The following ARHGAP15 variants were observed in gnomAD, a reference collection of about 807,000 sequenced individuals.
The protein encoded by ARHGAP15 is rho GTPase-activating protein 15.
ARHGAP15 carries 51 observed loss-of-function variants against 63.7 expected under a neutral mutation model. That is an observed-to-expected ratio of 0.80 (90% CI 0.64 to 1.01). The LOEUF is 1.01. ARHGAP15 is among the 50% of genes least tolerant of loss of function. ARHGAP15 has a pLI of 0.00. For missense variants in ARHGAP15, 560 were observed against 564.6 expected (o/e 0.99, Z 0.08); for synonymous variants, 191 against 193.8 (o/e 0.99, Z 0.12).
intron 2 of ARHGAP15, among the ~76,000 whole-genome samples, chr2:143,186,644 T>C (rs1691458906): frequency 1.3e-5 from 2 of 152,156 alleles, no homozygotes; most frequent in Admixed American, 1.3e-4. Flanking sequence ...TCCCTGAAAA[T>C]ATCCCCTAAA....
At chr2:143,275,412 A>G (rs1277974685) in intron 6 of ARHGAP15, among the ~76,000 whole-genome samples, 1 of 152,236 alleles carries the variant, frequency 6.6e-6, no homozygotes, top group Non-Finnish European at 1.5e-5. Context: ...TGCTGTCTCT[A>G]TCACATATTA....
At chr2:143,313,416 C>G (rs1046703625) in intron 6 of ARHGAP15, among the ~76,000 whole-genome samples, 19 of 152,072 alleles carry the variant, frequency 1.2e-4, no homozygotes, top group African/African-American at 4.6e-4. Flanking sequence ...CCACTAAAAC[C>G]TGATTTTCTT....
At chr2:143,522,720 C>T (rs759888989) in intron 10 of ARHGAP15, among the ~76,000 whole-genome samples, 18 of 152,118 alleles carry the variant, frequency 1.2e-4, no homozygotes, top group Non-Finnish European at 2.5e-4. Flanking sequence ...TGCAGAAAAT[C>T]TCATAATGCT....
intron 12 of ARHGAP15, among the ~76,000 whole-genome samples, chr2:143,654,185 C>T (rs905084604): frequency 2.0e-5 from 3 of 152,080 alleles, no homozygotes; most frequent in African/African-American, 7.2e-5. Context: ...AAATACAGAA[C>T]AGATTCTCAG....
chr2:143,154,420 T>C (rs1689999048), intron 1 of ARHGAP15, among the ~76,000 whole-genome samples: 1 of 151,942 alleles, frequency 6.6e-6, no homozygotes, highest in Admixed American at 6.6e-5. Context: ...GGGGTGGCTA[T>C]ACACTTGCCT....
chr2:143,372,873 G>T (rs1051393026), intron 6 of ARHGAP15, among the ~76,000 whole-genome samples: 1 of 151,788 alleles, frequency 6.6e-6, no homozygotes, highest in Non-Finnish European at 1.5e-5. Context: ...TAAAGATAAA[G>T]TATGTGCACC....
At chr2:143,252,014 T>TC (rs918002181) in intron 6 of ARHGAP15, among the ~76,000 whole-genome samples, 1 of 152,012 alleles carries the variant, frequency 6.6e-6, no homozygotes, top group Non-Finnish European at 1.5e-5. Context: ...CCGGGAAAGC[T>TC]CAGTGGTAGA....
intron 2 of ARHGAP15, among the ~76,000 whole-genome samples, chr2:143,179,891 C>CAAAAA (rs77160479): frequency 0.24 from 34,286 of 142,246 alleles, 4,775 homozygotes; most frequent in East Asian, 0.48. Flanking sequence ...GACATTGTCT[C>CAAAAA]AAAAAAAAAA....
chr2:143,420,664 G>A (rs188039177), intron 6 of ARHGAP15, among the ~76,000 whole-genome samples: 9 of 152,170 alleles, frequency 5.9e-5, no homozygotes, highest in African/African-American at 2.2e-4. Context: ...TGGGCCCTTC[G>A]ATGACCCTGA....
intron 1 of ARHGAP15, among the ~76,000 whole-genome samples, chr2:143,142,191 G>C (rs1017625635): frequency 6.6e-6 from 1 of 152,054 alleles, no homozygotes; most frequent in African/African-American, 2.4e-5. Flanking sequence ...GTTGAATTTG[G>C]TTGGCAGTCT....
At chr2:143,326,728 CAA>C (rs1224750457) in intron 6 of ARHGAP15, among the ~76,000 whole-genome samples, 7 of 152,098 alleles carry the variant, frequency 4.6e-5, no homozygotes, top group African/African-American at 1.7e-4. Flanking sequence ...CTTCATGCTA[CAA>C]AGTCTCAATA....
intron 8 of ARHGAP15, among the ~76,000 whole-genome samples, chr2:143,448,022 C>T (rs1690228127): frequency 1.3e-5 from 2 of 152,072 alleles, no homozygotes; most frequent in African/African-American, 4.8e-5. Context: ...AGAGAACATA[C>T]CTATGAAGGA....
intron 6 of ARHGAP15, among the ~76,000 whole-genome samples, chr2:143,370,784 T>A (rs147614659): frequency 6.6e-6 from 1 of 152,216 alleles, no homozygotes; most frequent in African/African-American, 2.4e-5. Flanking sequence ...CCAGTGGTGA[T>A]GTGTGGTATT....
intron 2 of ARHGAP15, among the ~76,000 whole-genome samples, chr2:143,181,207 A>C (rs1691222809): frequency 6.6e-6 from 1 of 152,194 alleles, no homozygotes; most frequent in Admixed American, 6.5e-5. Flanking sequence ...GTCATGCTGT[A>C]AACTGATGTG....
intron 6 of ARHGAP15, among the ~76,000 whole-genome samples, chr2:143,270,127 C>A (rs1387521847): frequency 6.6e-6 from 1 of 152,120 alleles, no homozygotes; most frequent in Non-Finnish European, 1.5e-5. Context: ...CACGCACCCC[C>A]ACGCCTGGCT....
chr2:143,368,100 C>A (rs1251108695), intron 6 of ARHGAP15, among the ~76,000 whole-genome samples: 1 of 151,984 alleles, frequency 6.6e-6, no homozygotes, highest in East Asian at 1.9e-4. Context: ...TGCCTTCATG[C>A]ATATAATAAA....
chr2:143,753,332 C>A lies in ARHGAP15; in HGVS notation c.1245-14657C>A, dbSNP rs554135060. On this transcript the variant is annotated intron_variant, in intron 13 of 13. Coordinates refer to ENST00000295095, the MANE Select transcript of ARHGAP15 (RefSeq NM_018460.4). ...CCATCTCTGCAAGCAAAGCAGCCAC[C>A]ATAATTATCAAATTGACAAATGTAC... Among the ~76,000 whole-genome samples the A allele has an allele frequency of 2.0e-5, 3 of 152,258 alleles. No homozygotes were observed. In the South Asian group the frequency reaches 6.2e-4, roughly 32 times the overall value.
At chr2:143,396,490 C>T (rs1292318411) in intron 6 of ARHGAP15, among the ~76,000 whole-genome samples, 5 of 151,830 alleles carry the variant, frequency 3.3e-5, no homozygotes, top group African/African-American at 1.2e-4. Context: ...CCCCAGAGAC[C>T]AACAATTTAA....
intron 13 of ARHGAP15, among the ~76,000 whole-genome samples, chr2:143,758,611 A>G (rs1559163774): frequency 6.6e-6 from 1 of 152,196 alleles, no homozygotes; most frequent in African/African-American, 2.4e-5. Context: ...TCCTAAATTC[A>G]AAGAATCCTA....
Sources: allele counts gnomAD v4.1 joint callset (sites outside exome capture counted in the v4.1 genomes callset), GRCh38; gene constraint gnomAD v4.1.1; transcripts MANE v1.5; gene names NCBI Gene and HGNC (gene_info 2026-07-23, HGNC 2026-07-21).